Variants in STRN observed in about 807,000 individuals in gnomAD.
The protein encoded by STRN is protein phosphatase 2 regulatory subunit B'''alpha.
STRN carries 53 observed loss-of-function variants against 96.3 expected under a neutral mutation model. The observed-to-expected ratio is 0.55, with a 90% CI of 0.44 to 0.69. The LOEUF (loss-of-function observed/expected upper bound fraction) is 0.69. STRN is among the 30% of genes least tolerant of loss of function. The pLI, the probability that STRN is intolerant of heterozygous loss-of-function variation, is 0.00. For synonymous variants in STRN, 428 were observed against 355.9 expected (o/e 1.20, Z -2.28); for missense variants, 987 against 963.9 (o/e 1.02, Z -0.32).
intron 1 of STRN, among the ~76,000 whole-genome samples, chr2:36,932,365 G>A (rs1670597624): frequency 6.6e-6 from 1 of 152,106 alleles, no homozygotes; most frequent in Non-Finnish European, 1.5e-5. Context: ...GTGTTGGCCA[G>A]GCTGGTATCA....
intron 12 of STRN, among the ~76,000 whole-genome samples, chr2:36,866,466 T>A (rs1234668532): frequency 6.6e-6 from 1 of 152,218 alleles, no homozygotes; most frequent in Non-Finnish European, 1.5e-5. Flanking sequence ...AGGAGTGTGG[T>A]TGATTTTAGA....
chr2:36,922,518 CAAAA>C (rs749446955), intron 2 of STRN, among the ~76,000 whole-genome samples: 2 of 91,152 alleles, frequency 2.2e-5, no homozygotes. Flanking sequence ...GACCCTGTCT[CAAAA>C]AAAAAAAAAA....
intron 10 of STRN, among the ~76,000 whole-genome samples, chr2:36,870,869 G>C (rs1314609480): frequency 6.6e-6 from 1 of 152,168 alleles, no homozygotes; most frequent in Non-Finnish European, 1.5e-5. Context: ...AGACCTTCTA[G>C]TGGGACAAGA....
chr2:36,878,820 T>G (rs1409460384), intron 9 of STRN, among the ~76,000 whole-genome samples: 3 of 152,178 alleles, frequency 2.0e-5, no homozygotes, highest in Non-Finnish European at 4.4e-5. Flanking sequence ...TGGTGACATC[T>G]TGGCTCACTG....
intron 3 of STRN, among the ~76,000 whole-genome samples, chr2:36,908,843 C>T (rs760731971): frequency 2.0e-5 from 3 of 151,878 alleles, no homozygotes; most frequent in Admixed American, 1.3e-4. Context: ...AGGCTGGGTG[C>T]GGTGGCTCGT....
chr2:36,852,595 G>A (rs1668247689), intron 15 of STRN, among the ~76,000 whole-genome samples: 2 of 152,162 alleles, frequency 1.3e-5, no homozygotes, highest in South Asian at 4.1e-4. Context: ...GTTAAAAACT[G>A]CTAAATATGT....
chr2:36,934,929 T>C (rs145219876), intron 1 of STRN, among the ~76,000 whole-genome samples: 1,627 of 152,204 alleles, frequency 0.011, 7 homozygotes, highest in Non-Finnish European at 0.017. Flanking sequence ...AATACAAAAA[T>C]TAGCCCGGTG....
chr2:36,940,079 G>C (rs1196704797), intron 1 of STRN, among the ~76,000 whole-genome samples: 1 of 152,106 alleles, frequency 6.6e-6, no homozygotes, highest in Non-Finnish European at 1.5e-5. Flanking sequence ...AATACTGATA[G>C]TTTAATTTTT....
rs1459365067 is a variant in STRN at position 36,848,769 on chromosome 2, CA to C, written c.*686del. 6.6e-6 allele frequency: 1 copy of C among 152,400 alleles called. No homozygotes were observed. The allele number at this position is 152,400 out of a possible 1,614,324, so 9.4% of individuals were successfully genotyped here. On this transcript the variant is annotated 3_prime_UTR_variant, in exon 18 of 18. Transcript: ENST00000263918. ...TGATAGCTAAACTTTAGAATGATACCAAATCTGTTTTCAAAACTGTAATACA... is the reference window on the plus strand; with the variant it reads ...TGATAGCTAAACTTTAGAATGATACCAATCTGTTTTCAAAACTGTAATACA...
In STRN at chr2:36,916,243, G is replaced by C. The variant is rs183314803; in HGVS notation, c.339-92C>G. ...TAGTCACAAGAATTCAGTAGTCCTG[G>C]CTGAACACTCCTAGAACTTTCAAAG... On this transcript the variant is annotated intron_variant, in intron 2 of 17. Transcript: ENST00000263918. The C allele has an allele frequency of 2.8e-6, 3 of 1,061,782 alleles. No individual in the cohort carries two copies. The East Asian group carries it at 7.6e-5, about 27-fold the overall frequency. The allele number at this position is 1,061,782 out of a possible 1,614,324, so 65.8% of individuals were successfully genotyped here. A position where few individuals can be genotyped will look rare whatever the true frequency, so the allele number is the denominator to read the frequency against.
chr2:36,890,951 C>T (rs1467900037), intron 7 of STRN, among the ~76,000 whole-genome samples: 1 of 152,158 alleles, frequency 6.6e-6, no homozygotes, highest in Non-Finnish European at 1.5e-5. Context: ...TAATACACTA[C>T]AGGTGACTAT....
intron 1 of STRN, among the ~76,000 whole-genome samples, chr2:36,944,698 T>A (rs891187354): frequency 1.1e-4 from 17 of 152,066 alleles, no homozygotes; most frequent in African/African-American, 4.1e-4. Flanking sequence ...AGCAGAAGAT[T>A]TCAATAAATG....
At chr2:36,878,095 G>C in intron 9 of STRN, 68 bp from the exon 10 acceptor site, 1 of 1,564,822 alleles carries the variant, frequency 6.4e-7, no homozygotes, top group Non-Finnish European at 8.7e-7. Flanking sequence ...TCATTTGCTT[G>C]CATCAAATTT....
chr2:36,855,635 G>A (rs541382786), intron 14 of STRN, among the ~76,000 whole-genome samples: 2 of 152,262 alleles, frequency 1.3e-5, no homozygotes, highest in South Asian at 2.1e-4. Context: ...TGGAAAACAT[G>A]TATGAATTAC....
At chr2:36,864,859 C>T (rs527935534) in intron 12 of STRN, among the ~76,000 whole-genome samples, 1 of 152,218 alleles carries the variant, frequency 6.6e-6, no homozygotes, top group South Asian at 2.1e-4. Flanking sequence ...ATTACAGGCA[C>T]CTGCCACCAC....
At chr2:36,934,066 G>A (rs758071252) in intron 1 of STRN, among the ~76,000 whole-genome samples, 2 of 152,058 alleles carry the variant, frequency 1.3e-5, no homozygotes, top group African/African-American at 2.4e-5. Context: ...CAGAGATCAC[G>A]CCACTGCACT....
chr2:36,882,946 C>A (rs370194498), intron 9 of STRN, among the ~76,000 whole-genome samples: 10 of 152,060 alleles, frequency 6.6e-5, no homozygotes, highest in African/African-American at 2.2e-4. Context: ...AAAGAAAGAA[C>A]TGTATTTATA....
chr2:36,861,337 T>C, intron 12 of STRN, 84 bp from the exon 13 acceptor site: 1 of 1,528,748 alleles, frequency 6.5e-7, no homozygotes, highest in South Asian at 1.2e-5. Flanking sequence ...GAATGTTTAA[T>C]TACCCAAATG....
intron 10 of STRN, among the ~76,000 whole-genome samples, chr2:36,870,238 C>T (rs115374570): frequency 0.02 from 1,279 of 62,496 alleles, 14 homozygotes; most frequent in African/African-American, 0.048. Flanking sequence ...ACAAAGAATG[C>T]ATTCCACTGG....
Sources: allele counts gnomAD v4.1 joint callset (sites outside exome capture counted in the v4.1 genomes callset), GRCh38; gene constraint gnomAD v4.1.1; transcripts MANE v1.5; gene names NCBI Gene and HGNC (gene_info 2026-07-23, HGNC 2026-07-21).